NEDD8: variants seen among roughly 807,000 people sequenced by gnomAD.
The protein encoded by NEDD8 is ubiquitin-like protein NEDD8.
NEDD8 carries 1 observed loss-of-function variant against 13.8 expected under a neutral mutation model. The ratio of observed to expected loss-of-function variants is 0.07; its 90% CI spans 0.03 to 0.34. NEDD8 has a LOEUF of 0.34. Ranked by LOEUF, NEDD8 falls within the 10% of genes least tolerant of loss-of-function variation. The pLI, the probability that NEDD8 is intolerant of heterozygous loss-of-function variation, is 0.99. For missense variants in NEDD8, 10 were observed against 95.2 expected, an observed-to-expected ratio of 0.10 and a Z score of 3.73; for synonymous variants, 31 against 33.2, an observed-to-expected ratio of 0.93 and a Z score of 0.23.
intron 1 of NEDD8, among the ~76,000 whole-genome samples, chr14:24,219,523 AAAG>A (rs1463763380): frequency 1.3e-5 from 2 of 151,682 alleles, no homozygotes; most frequent in Admixed American, 1.3e-4. Flanking sequence ...AAAAAAGAGA[AAAG>A]AAGACAAGAA....
intron 1 of NEDD8, chr14:24,226,567 G>C (rs532670522): frequency 6.6e-6 from 1 of 152,030 alleles, no homozygotes; most frequent in East Asian, 1.9e-4. Flanking sequence ...GAAAATCAAT[G>C]TTAATCAATT....
intron 1 of NEDD8, chr14:24,227,984 T>C (rs1396080109): frequency 1.3e-5 from 2 of 152,228 alleles, no homozygotes; most frequent in Non-Finnish European, 2.9e-5. Flanking sequence ...TAGTCCCAGC[T>C]ACTTGGGAGG....
At chr14:24,225,814 G>A (rs11158610) in intron 1 of NEDD8, among the ~76,000 whole-genome samples, 79,765 of 151,994 alleles carry the variant, frequency 0.52, 23,476 homozygotes, top group Middle Eastern at 0.69. Flanking sequence ...CAAGGCAGGC[G>A]GATCACCTGA....
chr14:24,230,760 G>A (rs2039986124), intron 1 of NEDD8, among the ~76,000 whole-genome samples: 1 of 151,472 alleles, frequency 6.6e-6, no homozygotes, highest in Admixed American at 6.6e-5. Context: ...TGGGATTATA[G>A]GCGCCCACCA....
At chr14:24,217,938 C>T in intron 3 of NEDD8, 195 bp downstream of exon 3, 7 of 509,306 alleles carry the variant, frequency 1.4e-5, no homozygotes, top group Non-Finnish European at 2.4e-5. Flanking sequence ...ATTAGTTTTC[C>T]TTTAATTCTA....
intron 1 of NEDD8, among the ~76,000 whole-genome samples, chr14:24,224,150 C>T (rs567806531): frequency 2.0e-5 from 3 of 152,292 alleles, no homozygotes; most frequent in Admixed American, 6.5e-5. Context: ...AGGATGGTCT[C>T]GATCTCCTGA....
chr14:24,232,233 G>T lies in NEDD8; in HGVS notation c.18+17C>A, dbSNP rs1321075324. 3.1e-6 allele frequency: 5 copies of T among 1,613,982 alleles called. No individual in the cohort carries two copies. The African/African-American group carries it at 6.7e-5, about 22-fold the overall frequency. On this transcript the variant is annotated intron_variant, in intron 1 of 3. Coordinates refer to ENST00000250495, the MANE Select transcript of NEDD8 (RefSeq NM_006156.3). Reference sequence around the variant, plus strand: ...CCCAGTACTACTGCGTCTTGGCAAGGCTGGAGGTGCTCCCACCTTCACTTT... The same window carrying T: ...CCCAGTACTACTGCGTCTTGGCAAGTCTGGAGGTGCTCCCACCTTCACTTT...
chr14:24,231,982 C>CA, intron 1 of NEDD8: 1 of 491,456 alleles, frequency 2.0e-6, no homozygotes, highest in Non-Finnish European at 3.6e-6. Context: ...TGAGACCCGA[C>CA]AAAAGCGACC....
chr14:24,228,397 G>GAAAAA (rs2039931234), intron 1 of NEDD8: 1 of 147,680 alleles, frequency 6.8e-6, no homozygotes, highest in African/African-American at 2.5e-5. Context: ...CATCTCAAAA[G>GAAAAA]CAAAACAAAA....
intron 1 of NEDD8, among the ~76,000 whole-genome samples, chr14:24,221,408 T>C (rs1414128951): frequency 6.6e-6 from 1 of 151,378 alleles, no homozygotes; most frequent in African/African-American, 2.4e-5. Context: ...GCCTCTTGAG[T>C]AGCTGGCATC....
chr14:24,219,350 G>A lies in NEDD8; in HGVS notation c.19-919C>T, dbSNP rs146404419. 3.1e-3 allele frequency among the ~76,000 whole-genome samples: 465 copies of A among 151,534 alleles called. 2 individuals carry two copies. The highest frequency in any genetic ancestry group is 0.011 in the African/African-American group (448 of 41,282). On this transcript the variant is annotated intron_variant, in intron 1 of 3. Transcript: ENST00000250495. Reference sequence around the variant, plus strand: ...CAACAAAAATTAGCTGAGTACAGTGGTGCATGCCTGTAGTACCAGCTATTT... The same window carrying A: ...CAACAAAAATTAGCTGAGTACAGTGATGCATGCCTGTAGTACCAGCTATTT...
At position 24,230,657 on chromosome 14, in the gene NEDD8, C is replaced by A. The variant is rs2039982685; in HGVS notation, c.18+1593G>T. 2.1e-5 allele frequency among the ~76,000 whole-genome samples: 3 copies of A among 145,860 alleles called. No individual in the cohort carries two copies. In the South Asian group the frequency reaches 6.5e-4, roughly 32 times the overall value. On this transcript the variant is annotated intron_variant, in intron 1 of 3. Transcript: ENST00000250495. The stretch of plus-strand genomic sequence containing the variant: ...GGGGGAGATGGAGTTTCACTCTTGT[C>A]GCCCAGGCTGGAGTGCAATGGCGCC...
intron 1 of NEDD8, chr14:24,227,271 C>G (rs1354335943): frequency 6.6e-6 from 1 of 152,130 alleles, no homozygotes; most frequent in Admixed American, 6.6e-5. Flanking sequence ...AAAACTGATT[C>G]ACACAGTAAA....
chr14:24,223,137 T>C (rs979178567), intron 1 of NEDD8, among the ~76,000 whole-genome samples: 2 of 144,986 alleles, frequency 1.4e-5, no homozygotes, highest in African/African-American at 5.1e-5. Flanking sequence ...CATGGTAGCA[T>C]ATGCCTGTAA....
chr14:24,219,058 T>G lies in NEDD8; in HGVS notation c.19-627A>C, dbSNP rs575738806. On this transcript the variant is annotated intron_variant, in intron 1 of 3. Coordinates refer to ENST00000250495, the MANE Select transcript of NEDD8 (RefSeq NM_006156.3). ...ACTGCACCCAGCCTGAAAGATATCT[T>G]AAAAAAAGTCAGAAGGACCTTGTTC... is the stretch of plus-strand genomic sequence containing the variant. 1.2e-4 allele frequency among the ~76,000 whole-genome samples: 19 copies of G among 152,154 alleles called. No individual in the cohort carries two copies. The East Asian group carries it at 3.7e-3, about 29-fold the overall frequency.
intron 2 of NEDD8, 29 bp from the exon 3 acceptor site, chr14:24,218,244 C>T (rs974626161): frequency 2.5e-6 from 4 of 1,614,002 alleles, no homozygotes; most frequent in African/African-American, 1.3e-5. Flanking sequence ...TCAGGGGCTG[C>T]TGCTTAGGGG....
At chr14:24,222,469 T>C (rs981521639) in intron 1 of NEDD8, among the ~76,000 whole-genome samples, 3 of 152,202 alleles carry the variant, frequency 2.0e-5, no homozygotes, top group Non-Finnish European at 4.4e-5. Context: ...TTAATTACAT[T>C]ATTATGCTTT....
rs1282800782 is a variant in NEDD8, at chr14:24,217,062, A to G, written c.*65T>C. Reference sequence around the variant, plus strand: ...GGGGGCAGTGGCTATGGTGTCCCAGAGAGTGAGAGGATATATGATGCCTCA... The same window carrying G: ...GGGGGCAGTGGCTATGGTGTCCCAGGGAGTGAGAGGATATATGATGCCTCA... On this transcript the variant is annotated 3_prime_UTR_variant, in exon 4 of 4. Coordinates refer to ENST00000250495, the MANE Select transcript of NEDD8 (RefSeq NM_006156.3). 7.6e-7 allele frequency: 1 copy of G among 1,316,144 alleles called. No homozygotes were observed. The highest frequency in any genetic ancestry group is 1.5e-5 in the African/African-American group (1 of 68,620). 81.5% of individuals were successfully genotyped at this position (1,316,144 alleles called of 1,614,324 possible).
intron 1 of NEDD8, 124 bp downstream of exon 1, chr14:24,232,126 G>A: frequency 6.7e-7 from 1 of 1,502,924 alleles, no homozygotes; most frequent in Non-Finnish European, 9.1e-7. Flanking sequence ...CTCGCGCGGA[G>A]CCCTGAGGCA....
Sources: gnomAD v4.1 joint callset for allele counts (sites outside exome capture counted in the v4.1 genomes callset) on GRCh38, gnomAD v4.1.1 for gene constraint, MANE v1.5 for transcripts, NCBI Gene and HGNC (gene_info 2026-07-23, HGNC 2026-07-21) for gene names.